SPON2: variants seen among roughly 807,000 people sequenced by gnomAD.
SPON2 encodes spondin 2.
SPON2 carries 32 observed loss-of-function variants against 29.9 expected under a neutral mutation model. The ratio of observed to expected loss-of-function variants is 1.07; its 90% CI spans 0.81 to 1.44. SPON2 has a LOEUF of 1.44. Among genes scored for constraint, SPON2 ranks in the 40% most tolerant of loss-of-function variants. SPON2 has a pLI of 0.00. For synonymous variants in SPON2, 248 were observed against 209.1 expected, an observed-to-expected ratio of 1.19 and a Z score of -1.61; for missense variants, 541 against 455.5, an observed-to-expected ratio of 1.19 and a Z score of -1.71.
In SPON2 at chr4:1,202,602, A is replaced by G. The variant is rs375318713; in HGVS notation, c.-234+5278T>C. On this transcript the variant is annotated intron_variant, in intron 1 of 3. Transcript: ENST00000509233. This position sits in a 1 kb window ranked among gnomAD's most constrained non-coding sequence, Gnocchi z 5.4. ...AGCCCACTCAGTGCTCATGGGTCGG[A>G]GTCTCCTGCCTGCCGCTCTCCCAGG... 2.6e-5 allele frequency among the ~76,000 whole-genome samples: 4 copies of G among 151,668 alleles called. No homozygotes were observed. In the South Asian group the frequency reaches 8.3e-4, roughly 32 times the overall value.
chr4:1,194,309 G>A (rs1194243816), intron 1 of SPON2, among the ~76,000 whole-genome samples: 2 of 152,206 alleles, frequency 1.3e-5, no homozygotes, highest in Admixed American at 6.5e-5. Flanking sequence ...AAGGACCAAC[G>A]GGGCTCACCC....
intron 1 of SPON2, chr4:1,201,496 C>A (rs1441183151): frequency 5.6e-6 from 1 of 179,336 alleles, no homozygotes. Context: ...TGCACGTGAC[C>A]ACAGAGAAGG....
rs1235844610 is a variant in SPON2 at position 1,171,266 on chromosome 4, C to T, written c.441G>A (p.Ser147=). The change falls in exon 3 of 6, where the codon TCG becomes TCA. Residue 147 remains serine, a synonymous_variant. Transcript: ENST00000290902. ...CCCCGGCCGGCCCCGCGCTCACCAG[C>T]GAGTGCCTGCGCTGCACCTCCAGCT... ...SAELEVQRRH[S]LVSFVVRIVP... 6.6e-7 allele frequency: 1 copy of T among 1,506,586 alleles called. No individual in the cohort carries two copies. The highest frequency in any genetic ancestry group is 8.8e-7 in the Non-Finnish European group (1 of 1,135,078). 93.3% of individuals were successfully genotyped at this position (1,506,586 alleles called of 1,614,324 possible).
intron 1 of SPON2, chr4:1,204,833 C>T (rs1022053739): frequency 2.0e-5 from 3 of 152,178 alleles, no homozygotes; most frequent in African/African-American, 4.8e-5. Context: ...ATGTGCCCGC[C>T]GTTTGCTCCT....
intron 1 of SPON2, among the ~76,000 whole-genome samples, chr4:1,193,077 G>A (rs557791488): frequency 1.4e-4 from 21 of 152,290 alleles, no homozygotes; most frequent in Admixed American, 5.2e-4. Context: ...ACTTGTATAC[G>A]TACACATGCC....
chr4:1,170,525 G>T lies in SPON2; in HGVS notation c.688C>A (p.Leu230Met). ...HPANSFYYPRLKALPPIARVT... is the reference protein window; with the variant it reads ...HPANSFYYPRMKALPPIARVT... ...CTGGCGATGGGAGGCAGGGCCTTCA[G>T]CCGCGGGTAGTAGAAGGAGTTGGCC... is the stretch of plus-strand genomic sequence containing the variant. The change falls in exon 5 of 6, where the codon CTG becomes ATG. Residue 230 changes from leucine (L) to methionine (M), a missense_variant. Physicochemically the swap from Leu to Met is conservative, Grantham distance 15 (BLOSUM62 2). Coordinates refer to ENST00000290902, the MANE Select transcript of SPON2 (RefSeq NM_012445.4). 1 of 1,613,992 alleles carries T rather than the reference G, an allele frequency of 6.2e-7. No homozygotes were observed. Among genetic ancestry groups the T allele is most frequent in the Non-Finnish European group, 8.5e-7 (1 of 1,179,908 alleles).
upstream of SPON2, among the ~76,000 whole-genome samples, chr4:1,176,548 C>A (rs1172615619): frequency 6.6e-6 from 1 of 152,124 alleles, no homozygotes; most frequent in Non-Finnish European, 1.5e-5. Context: ...TTCACTAATT[C>A]ACTCACACAG....
At chr4:1,206,797 G>C (rs1256156743) in intron 1 of SPON2, among the ~76,000 whole-genome samples, 1 of 152,188 alleles carries the variant, frequency 6.6e-6, no homozygotes, top group African/African-American at 2.4e-5. Flanking sequence ...GCGAACCCCA[G>C]GTGTGGGGTA....
chr4:1,183,755 A>T (rs1298594614), intron 1 of SPON2, among the ~76,000 whole-genome samples: 1 of 152,212 alleles, frequency 6.6e-6, no homozygotes, highest in Non-Finnish European at 1.5e-5. Flanking sequence ...GAGTTATAAC[A>T]TTAGAATGTT....
At chr4:1,168,977 C>T (rs747895329) in intron 5 of SPON2, among the ~76,000 whole-genome samples, 49 of 152,152 alleles carry the variant, frequency 3.2e-4, no homozygotes, top group Non-Finnish European at 5.0e-4. Context: ...GTGCTCCGTC[C>T]CCACTGCCCA....
intron 5 of SPON2, among the ~76,000 whole-genome samples, chr4:1,169,159 T>C (rs7659524): frequency 0.98 from 148,767 of 151,908 alleles, 72,915 homozygotes; most frequent in East Asian, 1. Context: ...GCACTGGCCA[T>C]GTGCTCCCCT....
At chr4:1,169,607 G>A (rs964838596) in intron 5 of SPON2, among the ~76,000 whole-genome samples, 2 of 152,158 alleles carry the variant, frequency 1.3e-5, no homozygotes, top group Admixed American at 6.5e-5. Flanking sequence ...GGTGTGGGGC[G>A]GCCCCGTACC....
chr4:1,184,249 A>G (rs1006704012), intron 1 of SPON2, among the ~76,000 whole-genome samples: 1 of 152,234 alleles, frequency 6.6e-6, no homozygotes, highest in Non-Finnish European at 1.5e-5. Context: ...GGTTGCAGGC[A>G]TGAGCCACTG....
chr4:1,168,814 C>T (rs988574291), intron 5 of SPON2, among the ~76,000 whole-genome samples: 1 of 152,346 alleles, frequency 6.6e-6, no homozygotes, highest in East Asian at 1.9e-4. Flanking sequence ...TGGGGACAGG[C>T]ATCCAGCGTG....
In SPON2 at chr4:1,202,220, G is replaced by A. The variant is rs1032828964; in HGVS notation, c.-234+5660C>T. Among the ~76,000 whole-genome samples, 4 of 152,206 alleles carry A rather than the reference G, an allele frequency of 2.6e-5. No homozygotes were observed. Among genetic ancestry groups the A allele is most frequent in the Non-Finnish European group, 4.4e-5 (3 of 68,030 alleles). The stretch of plus-strand genomic sequence containing the variant: ...GTTCTCCTCTTCCACGATGGCCCTT[G>A]CACGTCGCATCCTCACCGGCTGGAG... On this transcript the variant is annotated intron_variant, in intron 1 of 3. Transcript: ENST00000509233. This position sits in a 1 kb window ranked among gnomAD's most constrained non-coding sequence, Gnocchi z 5.4.
chr4:1,191,129 C>A (rs988926863), intron 1 of SPON2, among the ~76,000 whole-genome samples: 3 of 148,090 alleles, frequency 2.0e-5, no homozygotes, highest in South Asian at 4.3e-4. Context: ...AAAATTCATA[C>A]GGAATTGCAA....
chr4:1,167,717 C>G, intron 5 of SPON2, 61 bp from the exon 6 acceptor site: 1 of 1,506,040 alleles, frequency 6.6e-7, no homozygotes, highest in Non-Finnish European at 8.9e-7. Context: ...TTCGTACAAA[C>G]GGAAGCCACC....
chr4:1,179,215 T>C (rs1322381422), intron 2 of SPON2, among the ~76,000 whole-genome samples: 1 of 112,238 alleles, frequency 8.9e-6, no homozygotes, highest in Non-Finnish European at 2.2e-5. Flanking sequence ...GCAGCCACCA[T>C]GCCAGGCTCA....
chr4:1,172,237 A>C, intron 1 of SPON2, 163 bp from the exon 2 acceptor site: 2 of 641,634 alleles, frequency 3.1e-6, no homozygotes, highest in Non-Finnish European at 5.3e-6. Context: ...CGAGACCCCC[A>C]TCAGCGGAAT....
Sources: gnomAD v4.1 joint callset for allele counts (sites outside exome capture counted in the v4.1 genomes callset) on GRCh38, gnomAD v4.1.1 for gene constraint, Gnocchi (gnomAD v3.1) non-coding constraint, MANE v1.5 for transcripts, NCBI Gene and HGNC (gene_info 2026-07-23, HGNC 2026-07-21) for gene names.